The following NFIB variants were observed in gnomAD, a reference collection of about 807,000 sequenced individuals.
NFIB encodes the protein nuclear factor 1 B-type.
NFIB carries 11 observed loss-of-function variants against 61.5 expected under a neutral mutation model. The observed-to-expected ratio is 0.18, with a 90% confidence interval of 0.11 to 0.30. The LOEUF is 0.30. Among genes scored for constraint, NFIB ranks in the 10% least tolerant of loss-of-function variants. NFIB has a pLI of 1.00. For missense variants in NFIB, 471 were observed against 608.9 expected, an observed-to-expected ratio of 0.77 and a Z score of 2.38; for synonymous variants, 260 against 216.5, an observed-to-expected ratio of 1.20 and a Z score of -1.76.
At chr9:14,323,860 C>T (rs960303828) in intron 1 of NFIB, among the ~76,000 whole-genome samples, 5 of 152,206 alleles carry the variant, frequency 3.3e-5, no homozygotes, top group Non-Finnish European at 5.9e-5. Flanking sequence ...ATCATACATA[C>T]GTTTGGCTGT....
chr9:14,465,965 G>C, the NFIB span, among the ~76,000 whole-genome samples: 2 of 152,172 alleles, frequency 1.3e-5, no homozygotes, highest in Admixed American at 6.5e-5. Flanking sequence ...AGCTCATGGA[G>C]GTCGTAGGCC....
intron 2 of NFIB, among the ~76,000 whole-genome samples, chr9:14,270,105 G>C (rs780888911): frequency 5.9e-5 from 9 of 152,084 alleles, no homozygotes; most frequent in Non-Finnish European, 1.3e-4. Flanking sequence ...GCTGTCTCAA[G>C]CCACTGTACT....
chr9:14,172,690 T>C (rs2045699131), intron 3 of NFIB, among the ~76,000 whole-genome samples: 1 of 152,220 alleles, frequency 6.6e-6, no homozygotes, highest in Non-Finnish European at 1.5e-5. Flanking sequence ...TTATAAAATC[T>C]CTAACATTCT....
At chr9:14,444,220 G>A in the NFIB span, among the ~76,000 whole-genome samples, 1,670 of 152,322 alleles carry the variant, frequency 0.011, 14 homozygotes, top group Middle Eastern at 0.024. Flanking sequence ...TAGGGTTAGA[G>A]TAAGAGGTTT....
intron 3 of NFIB, among the ~76,000 whole-genome samples, chr9:14,169,269 T>A (rs1385755046): frequency 6.6e-6 from 1 of 152,146 alleles, no homozygotes; most frequent in East Asian, 1.9e-4. Context: ...GGTTTTCCTG[T>A]CTTCTTCCTG....
the NFIB span, among the ~76,000 whole-genome samples, chr9:14,483,135 A>C: frequency 6.6e-6 from 1 of 152,198 alleles, no homozygotes; most frequent in Non-Finnish European, 1.5e-5. Flanking sequence ...CTGTTCGAAA[A>C]GAAACAGAAC....
the NFIB span, among the ~76,000 whole-genome samples, chr9:14,424,650 T>C: frequency 1.3e-5 from 2 of 152,160 alleles, no homozygotes; most frequent in African/African-American, 4.8e-5. Context: ...CCAGTTATTG[T>C]TCACTGCCTG....
At chr9:14,424,514 C>T in the NFIB span, among the ~76,000 whole-genome samples, 2 of 152,196 alleles carry the variant, frequency 1.3e-5, no homozygotes, top group Non-Finnish European at 2.9e-5. Context: ...CCCCAGTTTA[C>T]GCGGGGCGAC....
the NFIB span, among the ~76,000 whole-genome samples, chr9:14,529,222 T>C: frequency 6.6e-6 from 1 of 152,176 alleles, no homozygotes; most frequent in South Asian, 2.1e-4. Flanking sequence ...TACGTCTTGT[T>C]TGGGCTTTTT....
Position 14,307,357 on chromosome 9 carries a change from T to G in NFIB, c.194A>C (p.Lys65Thr). The G allele has an allele frequency of 6.2e-7, 1 of 1,614,044 alleles. No individual in the cohort carries two copies. Among genetic ancestry groups the G allele is most frequent in the South Asian group, 1.1e-5 (1 of 91,070 alleles). ...TGCCCACTTCTGTTTGATTTCAGGCTTTTCACTGAGAAGCTCATCTTTGAC... is the reference window on the plus strand; with the variant it reads ...TGCCCACTTCTGTTTGATTTCAGGCGTTTCACTGAGAAGCTCATCTTTGAC... ...RAVKDELLSEKPEIKQKWASR... is the reference protein window; with the variant it reads ...RAVKDELLSETPEIKQKWASR... Residue 65 changes from lysine (K) to threonine (T), a missense_variant, in exon 2 of 11, where the codon AAG becomes ACG. Coordinates refer to ENST00000380953, the MANE Select transcript of NFIB (RefSeq NM_001190737.2). The surrounding 1 kb of genome is among the most constrained non-coding windows in gnomAD (Gnocchi z 5.3).
chr9:14,411,861 C>T, the NFIB span, among the ~76,000 whole-genome samples: 1 of 152,174 alleles, frequency 6.6e-6, no homozygotes, highest in Admixed American at 6.5e-5. Context: ...ACTGTGGTTT[C>T]TGTCTGCTCC....
At chr9:14,499,621 C>A in the NFIB span, among the ~76,000 whole-genome samples, 7 of 152,164 alleles carry the variant, frequency 4.6e-5, no homozygotes, top group African/African-American at 2.4e-5. Context: ...GTATTGTATT[C>A]TTTGGATATG....
At chr9:14,386,786 A>T (rs2061554418) in intron 1 of NFIB, among the ~76,000 whole-genome samples, 1 of 152,218 alleles carries the variant, frequency 6.6e-6, no homozygotes, top group Admixed American at 6.5e-5. Context: ...CTGGAGGGGA[A>T]TATTTTTAAA....
chr9:14,470,617 G>C, the NFIB span, among the ~76,000 whole-genome samples: 1 of 152,120 alleles, frequency 6.6e-6, no homozygotes, highest in Admixed American at 6.6e-5. Context: ...GGGATAGGGG[G>C]ATTTCCTCTA....
chr9:14,301,489 C>A (rs2059748913), intron 2 of NFIB, among the ~76,000 whole-genome samples: 1 of 152,162 alleles, frequency 6.6e-6, no homozygotes, highest in Non-Finnish European at 1.5e-5. Context: ...CCAACCTTTG[C>A]TGCCTCCAGA....
the NFIB span, among the ~76,000 whole-genome samples, chr9:14,449,964 A>AAT: frequency 6.6e-6 from 1 of 151,614 alleles, no homozygotes; most frequent in Non-Finnish European, 1.5e-5. Context: ...AATAAATAAA[A>AAT]TTTTTTTTAA....
chr9:14,099,458 T>G (rs966666926), intron 10 of NFIB, among the ~76,000 whole-genome samples: 8 of 152,184 alleles, frequency 5.3e-5, no homozygotes, highest in African/African-American at 1.9e-4. Flanking sequence ...TTTCAATGTT[T>G]TAAAAATAAC....
chr9:14,501,579 G>T, the NFIB span, among the ~76,000 whole-genome samples: 2 of 152,162 alleles, frequency 1.3e-5, no homozygotes, highest in Non-Finnish European at 2.9e-5. Context: ...GTGTCACAGG[G>T]TAATCAATAG....
At chr9:14,208,485 A>G (rs2049981499) in intron 2 of NFIB, among the ~76,000 whole-genome samples, 1 of 152,210 alleles carries the variant, frequency 6.6e-6, no homozygotes. Flanking sequence ...TCATAAAAAC[A>G]GACGTGACTT....
Sources: gnomAD v4.1 joint callset for allele counts (sites outside exome capture counted in the v4.1 genomes callset) on GRCh38, gnomAD v4.1.1 for gene constraint, Gnocchi (gnomAD v3.1) non-coding constraint, MANE v1.5 for transcripts, NCBI Gene and HGNC (gene_info 2026-07-23, HGNC 2026-07-21) for gene names.